The following DRC8 variants were observed in gnomAD, a reference collection of about 807,000 sequenced individuals.
DRC8 encodes dynein regulatory complex subunit 8, also known as dynein regulatory complex protein 8.
chr1:245,013,043 G>A, the DRC8 span, among the ~76,000 whole-genome samples: 1 of 152,120 alleles, frequency 6.6e-6, no homozygotes, highest in Admixed American at 6.5e-5. Context: ...AAGGAATCAA[G>A]CACCTGGTAA....
the DRC8 span, among the ~76,000 whole-genome samples, chr1:245,107,981 G>C: frequency 6.6e-6 from 1 of 152,026 alleles, no homozygotes; most frequent in South Asian, 2.1e-4. Flanking sequence ...CCTCCTCACT[G>C]CCCTTCCTCC....
chr1:245,045,414 G>C, the DRC8 span, among the ~76,000 whole-genome samples: 1 of 152,194 alleles, frequency 6.6e-6, no homozygotes, highest in Non-Finnish European at 1.5e-5. Flanking sequence ...AGCAACAAAA[G>C]AACAAAAGCA....
At chr1:245,009,941 A>G in the DRC8 span, among the ~76,000 whole-genome samples, 2 of 151,806 alleles carry the variant, frequency 1.3e-5, no homozygotes, top group East Asian at 3.9e-4. Context: ...GCTCGCTGCA[A>G]CCTCTGCCTC....
At chr1:245,083,640 C>A in the DRC8 span, 1 of 1,609,864 alleles carries the variant, frequency 6.2e-7, no homozygotes, top group Non-Finnish European at 8.5e-7. Flanking sequence ...TTCAGCTAAA[C>A]GTGGGTTTCT....
the DRC8 span, among the ~76,000 whole-genome samples, chr1:245,060,197 C>G: frequency 6.6e-6 from 1 of 152,152 alleles, no homozygotes; most frequent in Non-Finnish European, 1.5e-5. Context: ...TTGCACCTAG[C>G]GCAGTACCTG....
At chr1:245,006,949 A>G in the DRC8 span, among the ~76,000 whole-genome samples, 1 of 101,462 alleles carries the variant, frequency 9.9e-6, no homozygotes, top group African/African-American at 2.7e-5. Context: ...CAAACAAACA[A>G]CAACAACAAC....
the DRC8 span, among the ~76,000 whole-genome samples, chr1:245,049,384 G>A: frequency 6.6e-6 from 1 of 152,178 alleles, no homozygotes; most frequent in African/African-American, 2.4e-5. This position sits in a 1 kb window ranked among gnomAD's most constrained non-coding sequence, Gnocchi z 4.5. Flanking sequence ...CTTGGGTTAA[G>A]GTGTCATTTG....
At chr1:245,073,119 G>A in the DRC8 span, among the ~76,000 whole-genome samples, 3 of 152,116 alleles carry the variant, frequency 2.0e-5, no homozygotes, top group Non-Finnish European at 4.4e-5. Context: ...AGGTATCAAT[G>A]TAGCTCTATT....
chr1:245,116,947 C>T, the DRC8 span, among the ~76,000 whole-genome samples: 1 of 152,146 alleles, frequency 6.6e-6, no homozygotes, highest in Non-Finnish European at 1.5e-5. Context: ...GCCTGTAAGC[C>T]CTGCAAAGAA....
At chr1:244,998,054 T>C in the DRC8 span, among the ~76,000 whole-genome samples, 1 of 152,170 alleles carries the variant, frequency 6.6e-6, no homozygotes, top group African/African-American at 2.4e-5. Context: ...TCTTTTCAAC[T>C]CCAGTGACCT....
chr1:245,109,097 A>T, the DRC8 span, among the ~76,000 whole-genome samples: 91 of 152,330 alleles, frequency 6.0e-4, no homozygotes, highest in Non-Finnish European at 1.1e-3. Flanking sequence ...ACTGGAGCTG[A>T]ATCTTGCTGG....
chr1:245,024,239 A>C, the DRC8 span, among the ~76,000 whole-genome samples: 3 of 152,288 alleles, frequency 2.0e-5, no homozygotes, highest in Admixed American at 1.3e-4. Flanking sequence ...TCTCCTTACT[A>C]ATGGACGTTT....
At chr1:244,999,345 G>A in the DRC8 span, among the ~76,000 whole-genome samples, 1 of 151,912 alleles carries the variant, frequency 6.6e-6, no homozygotes, top group African/African-American at 2.4e-5. Context: ...TGTTGCCTCT[G>A]TCTTTAAATG....
chr1:244,990,536 G>A, the DRC8 span, among the ~76,000 whole-genome samples: 11 of 152,156 alleles, frequency 7.2e-5, no homozygotes, highest in African/African-American at 2.2e-4. Flanking sequence ...TTTGGGTTAT[G>A]AGCCAGTACT....
chr1:244,993,762 G>GA, the DRC8 span, among the ~76,000 whole-genome samples: 14 of 152,134 alleles, frequency 9.2e-5, no homozygotes, highest in Admixed American at 5.2e-4. Context: ...TGGGGATGGG[G>GA]AAGGAGGCTG....
At chr1:244,995,072 C>T in the DRC8 span, among the ~76,000 whole-genome samples, 1 of 151,928 alleles carries the variant, frequency 6.6e-6, no homozygotes, top group Admixed American at 6.6e-5. Context: ...TTAAAAGAGA[C>T]AGGTTCTCGG....
At chr1:245,002,237 A>G in the DRC8 span, 1 of 1,600,064 alleles carries the variant, frequency 6.2e-7, no homozygotes, top group Non-Finnish European at 8.5e-7. Flanking sequence ...CACAGGGTAC[A>G]GTGCATTCAT....
chr1:245,072,947 G>A, the DRC8 span, among the ~76,000 whole-genome samples: 1 of 152,092 alleles, frequency 6.6e-6, no homozygotes, highest in South Asian at 2.1e-4. Flanking sequence ...AAGAAACCAA[G>A]CAGATGTCAG....
At chr1:245,073,661 A>C in the DRC8 span, among the ~76,000 whole-genome samples, 5 of 152,186 alleles carry the variant, frequency 3.3e-5, no homozygotes, top group African/African-American at 1.2e-4. Flanking sequence ...AAGTAAATAA[A>C]AAAAGACGCT....
Sources: gnomAD v4.1 joint callset for allele counts (sites outside exome capture counted in the v4.1 genomes callset) on GRCh38, gnomAD v4.1.1 for gene constraint, Gnocchi (gnomAD v3.1) non-coding constraint, MANE v1.5 for transcripts, NCBI Gene and HGNC (gene_info 2026-07-23, HGNC 2026-07-21) for gene names.